Variants in LAMA3 observed in about 807,000 individuals in gnomAD.
LAMA3 encodes the protein laminin subunit alpha 3.
In LAMA3, 281 loss-of-function variants were observed where a neutral mutation model predicts 402.0. The ratio of observed to expected loss-of-function variants is 0.70; its 90% CI spans 0.63 to 0.77. LAMA3 has a LOEUF of 0.77. Among genes scored for constraint, LAMA3 ranks in the 30% least tolerant of loss-of-function variants. The pLI is 0.00. For missense variants in LAMA3, 3,840 were observed against 4,215.5 expected (o/e 0.91, Z 2.47); for synonymous variants, 1,431 against 1,558.4 (o/e 0.92, Z 1.93).
chr18:23,765,300 T>A (rs568512984), intron 8 of LAMA3, among the ~76,000 whole-genome samples: 12 of 152,200 alleles, frequency 7.9e-5, no homozygotes, highest in Admixed American at 6.5e-4. Context: ...AGCAGGGAAA[T>A]CCCTAATTCT....
rs926317274 is a variant in LAMA3, at chr18:23,879,011, C to G, written c.5112+2604C>G. 6.6e-6 allele frequency among the ~76,000 whole-genome samples: 1 copy of G among 151,850 alleles called. No individual in the cohort carries two copies. The highest frequency in any genetic ancestry group is 6.6e-5 in the Admixed American group (1 of 15,242). ...CCAATTCCCCTTCCTCTCTACTATC[C>G]CCGTCACCCCTTATTTTCCTCTCCG... On this transcript the variant is annotated intron_variant, in intron 39 of 74. Coordinates refer to ENST00000313654, the MANE Select transcript of LAMA3 (RefSeq NM_198129.4). The surrounding 1 kb of genome is among the most constrained non-coding windows in gnomAD (Gnocchi z 4.2).
intron 41 of LAMA3, among the ~76,000 whole-genome samples, chr18:23,888,525 A>T (rs1212386153): frequency 6.6e-6 from 1 of 152,194 alleles, no homozygotes; most frequent in Non-Finnish European, 1.5e-5. Context: ...CATGGAGCTT[A>T]TATTTTCATG....
At chr18:23,783,034 G>T (rs2062468041) in intron 11 of LAMA3, among the ~76,000 whole-genome samples, 1 of 152,096 alleles carries the variant, frequency 6.6e-6, no homozygotes, top group African/African-American at 2.4e-5. Context: ...TCTCTCAATT[G>T]TGTGGGTTGG....
intron 66 of LAMA3, 28 bp downstream of exon 66, chr18:23,932,319 T>G: frequency 6.2e-7 from 1 of 1,612,408 alleles, no homozygotes; most frequent in South Asian, 1.1e-5. Flanking sequence ...TGTGGGTAAC[T>G]GATGAGAACG....
At chr18:23,891,410 G>A (rs1459107679) in intron 42 of LAMA3, among the ~76,000 whole-genome samples, 2 of 152,232 alleles carry the variant, frequency 1.3e-5, no homozygotes, top group East Asian at 3.8e-4. Context: ...TGGCAAGTCT[G>A]AATGTTGGGA....
At position 23,953,031 on chromosome 18, in the gene LAMA3, G is replaced by A; in HGVS notation, c.9778G>A (p.Asp3260Asn). The A allele has an allele frequency of 1.9e-6, 3 of 1,614,134 alleles. No homozygotes were observed. The highest frequency in any genetic ancestry group is 2.5e-6 in the Non-Finnish European group (3 of 1,180,004). ...CATCCTGCACCTGGAACTGGACACA[G>A]ACAGTAGCTACACAGCTGGACAGAT... ...QHILHLELDT[D>N]SSYTAGQIPF... The change falls in exon 74 of 75, where the codon GAC becomes AAC. Residue 3260 changes from aspartate (D) to asparagine (N), a missense_variant. By Grantham distance (23) the Asp-to-Asn change is conservative (BLOSUM62 1). Around this residue, in one of 3 missense-constraint regions of LAMA3, gnomAD observed 840 missense variants for 981.9 expected, o/e 0.86. Coordinates refer to ENST00000313654, the MANE Select transcript of LAMA3 (RefSeq NM_198129.4).
chr18:23,941,232 G>A (rs368916902), intron 68 of LAMA3, among the ~76,000 whole-genome samples: 17 of 151,716 alleles, frequency 1.1e-4, no homozygotes, highest in Admixed American at 4.6e-4. Context: ...CACCGCGCCC[G>A]GCCAACCTCT....
At chr18:23,751,149 T>G in intron 5 of LAMA3, 61 bp downstream of exon 5, 10 of 1,545,632 alleles carry the variant, frequency 6.5e-6, no homozygotes, top group Non-Finnish European at 7.2e-6. Flanking sequence ...CTTACCAAAT[T>G]AATTGCCTTG....
chr18:23,877,434 G>A (rs1395681469), intron 39 of LAMA3, among the ~76,000 whole-genome samples: 2 of 152,174 alleles, frequency 1.3e-5, no homozygotes, highest in East Asian at 3.8e-4. Flanking sequence ...GAGGAAAATG[G>A]ACAGTGAAAA....
Position 23,921,590 on chromosome 18 carries a change from G to A in LAMA3, c.8177+5G>A, listed in dbSNP as rs2081841468. On this transcript the variant is annotated splice_donor_5th_base_variant and intron_variant, in intron 62 of 74. Coordinates refer to ENST00000313654, the MANE Select transcript of LAMA3 (RefSeq NM_198129.4). ...TCCAATTGCAATCAGGGAAAGGTAAGATGATTTTTTTAAAACGAGATTTAA... is the reference window on the plus strand; with the variant it reads ...TCCAATTGCAATCAGGGAAAGGTAAAATGATTTTTTTAAAACGAGATTTAA... 1 of 1,613,594 alleles carries A rather than the reference G, an allele frequency of 6.2e-7. No individual in the cohort carries two copies. Among genetic ancestry groups the A allele is most frequent in the East Asian group, 2.2e-5 (1 of 44,830 alleles).
chr18:23,737,791 G>A (rs930415484), intron 2 of LAMA3, among the ~76,000 whole-genome samples: 4 of 152,266 alleles, frequency 2.6e-5, no homozygotes, highest in Admixed American at 1.3e-4. Context: ...TATTCACAAG[G>A]CCACGTGCAT....
At chr18:23,747,143 A>G (rs1463796577) in intron 2 of LAMA3, among the ~76,000 whole-genome samples, 1 of 152,004 alleles carries the variant, frequency 6.6e-6, no homozygotes, top group East Asian at 1.9e-4. Context: ...ATTAACATAG[A>G]TTTGCTTAAC....
At chr18:23,781,241 C>A in intron 11 of LAMA3, 1 of 447,156 alleles carries the variant, frequency 2.2e-6, no homozygotes, top group Non-Finnish European at 4.5e-6. Flanking sequence ...CATTCGTTCT[C>A]AGCCTACAGG....
At chr18:23,743,189 C>T (rs1443903525) in intron 2 of LAMA3, among the ~76,000 whole-genome samples, 8 of 152,182 alleles carry the variant, frequency 5.3e-5, no homozygotes, top group African/African-American at 1.7e-4. Flanking sequence ...TCTTCATTTT[C>T]TTAAATATCT....
chr18:23,864,088 T>C (rs1003369848), intron 35 of LAMA3, among the ~76,000 whole-genome samples: 1 of 152,198 alleles, frequency 6.6e-6, no homozygotes, highest in African/African-American at 2.4e-5. Flanking sequence ...TCCAGTTCTC[T>C]CAGTTAAAAA....
At chr18:23,838,908 C>G in intron 26 of LAMA3, 30 bp downstream of exon 26, 1 of 1,322,690 alleles carries the variant, frequency 7.6e-7, no homozygotes, top group South Asian at 1.2e-5. Context: ...TCTCCCCGTT[C>G]ATGTTCTGAG....
chr18:23,850,059 A>T (rs567261488), intron 32 of LAMA3, among the ~76,000 whole-genome samples: 2 of 152,168 alleles, frequency 1.3e-5, no homozygotes, highest in South Asian at 4.2e-4. Flanking sequence ...CTCCTTAGAA[A>T]ATTTCCTTTA....
At chr18:23,863,376 C>T (rs1182909011) in intron 35 of LAMA3, among the ~76,000 whole-genome samples, 4 of 152,206 alleles carry the variant, frequency 2.6e-5, no homozygotes, top group Admixed American at 6.5e-5. Context: ...ACCTGGGAGG[C>T]GGAGGTTGCA....
Position 23,689,844 on chromosome 18 carries a change from T to C in LAMA3, c.161T>C (p.Leu54Pro), listed in dbSNP as rs1418751640. The C allele has an allele frequency of 6.4e-7, 1 of 1,553,696 alleles. No homozygotes were observed. Among genetic ancestry groups the C allele is most frequent in the East Asian group, 2.4e-5 (1 of 40,990 alleles). ...AGCCTTCACCCGACTTACTTCAACC[T>C]GGCCGAGGCGGCGAGGATTTGGGCC... ...GLSLHPTYFN[L>P]AEAARIWATA... Residue 54 changes from leucine to proline, a missense_variant, in exon 1 of 75, where the codon CTG becomes CCG. This residue lies in a region of LAMA3 where 2,109 missense variants were observed against 2,376.0 expected (regional missense o/e 0.89). Transcript: ENST00000313654.
Sources: allele counts gnomAD v4.1 joint callset (sites outside exome capture counted in the v4.1 genomes callset), GRCh38; gene constraint gnomAD v4.1.1; regional missense constraint gnomAD v4.1.1; non-coding constraint Gnocchi (gnomAD v3.1); transcripts MANE v1.5; gene names NCBI Gene and HGNC (gene_info 2026-07-23, HGNC 2026-07-21).